Variants in CNTNAP4 observed in about 807,000 individuals in gnomAD.
CNTNAP4 encodes contactin-associated protein-like 4.
A neutral mutation model predicts 148.4 loss-of-function variants in CNTNAP4; 98 were observed. The observed-to-expected ratio is 0.66, with a 90% confidence interval of 0.56 to 0.78. The LOEUF is 0.78. CNTNAP4 is among the 30% of genes least tolerant of loss of function. The probability of loss-of-function intolerance (pLI) is 0.00; values close to 1 mark genes in which losing one functional copy is unlikely to be tolerated. For synonymous variants in CNTNAP4, 730 were observed against 565.1 expected (o/e 1.29, Z -4.14); for missense variants, 1,935 against 1,565.6 (o/e 1.24, Z -3.98).
chr16:76,488,113 T>G (rs2143759454), intron 12 of CNTNAP4, among the ~76,000 whole-genome samples: 1 of 152,276 alleles, frequency 6.6e-6, no homozygotes, highest in Non-Finnish European at 1.5e-5. Flanking sequence ...AACCTTAAAC[T>G]TCCGATAGCC....
chr16:76,450,815 A>AT, intron 7 of CNTNAP4, among the ~76,000 whole-genome samples: 1 of 152,214 alleles, frequency 6.6e-6, no homozygotes, highest in Non-Finnish European at 1.5e-5. Context: ...AAGCAGCACC[A>AT]ATGCTAGGTA....
rs145871213 is a variant in CNTNAP4 at position 76,303,938 on chromosome 16, A to G, written c.86-12475A>G. 1.3e-3 allele frequency among the ~76,000 whole-genome samples: 204 copies of G among 152,282 alleles called. 1 individual carries two copies. The highest frequency in any genetic ancestry group is 4.6e-3 in the African/African-American group (192 of 41,564). On this transcript the variant is annotated intron_variant, in intron 1 of 23. Coordinates refer to ENST00000611870, the MANE Select transcript of CNTNAP4 (RefSeq NM_033401.5). ...TGATTTCTCTCTTTCTCTTTGAGGA[A>G]TAATTCTTATAAGATTTTGTAAGAC...
rs78434662 is a variant in CNTNAP4, at chr16:76,344,865, G to A, written c.197-10453G>A. Reference sequence around the variant, plus strand: ...CCTTCTACTCTTTTCCAAAATGGCAGTGGGTATATAATGTACTCATATGAT... The same window carrying A: ...CCTTCTACTCTTTTCCAAAATGGCAATGGGTATATAATGTACTCATATGAT... On this transcript the variant is annotated intron_variant, in intron 2 of 23. Coordinates refer to ENST00000611870, the MANE Select transcript of CNTNAP4 (RefSeq NM_033401.5). Among the ~76,000 whole-genome samples the A allele has an allele frequency of 2.4e-3, 372 of 152,288 alleles. 1 individual carries two copies. The highest frequency in any genetic ancestry group is 3.5e-3 in the African/African-American group (145 of 41,554).
At chr16:76,551,746 G>A (rs1433893213) in intron 21 of CNTNAP4, among the ~76,000 whole-genome samples, 1 of 152,144 alleles carries the variant, frequency 6.6e-6, no homozygotes, top group Non-Finnish European at 1.5e-5. Context: ...ACACTGGCTA[G>A]CACATAATAT....
intron 2 of CNTNAP4, among the ~76,000 whole-genome samples, chr16:76,325,996 A>G (rs1962932696): frequency 6.6e-6 from 1 of 152,216 alleles, no homozygotes; most frequent in African/African-American, 2.4e-5. Flanking sequence ...TTCAACAAAG[A>G]AAACTACAAG....
chr16:76,310,561 C>G (rs1960989412), intron 1 of CNTNAP4, among the ~76,000 whole-genome samples: 1 of 152,152 alleles, frequency 6.6e-6, no homozygotes, highest in African/African-American at 2.4e-5. Context: ...AGACTCCAAT[C>G]TTTCCAAAGC....
intron 2 of CNTNAP4, among the ~76,000 whole-genome samples, chr16:76,340,405 C>T (rs906019938): frequency 2.0e-5 from 3 of 152,134 alleles, no homozygotes; most frequent in Non-Finnish European, 2.9e-5. Context: ...CTCAGGTTTC[C>T]TGTTGCTTCA....
At chr16:76,544,266 A>G (rs1296586361) in intron 21 of CNTNAP4, among the ~76,000 whole-genome samples, 2 of 151,894 alleles carry the variant, frequency 1.3e-5, no homozygotes, top group East Asian at 3.9e-4. Context: ...ACTTAAGTAT[A>G]TAACTGTCCC....
At chr16:76,368,136 A>C (rs1364609604) in intron 3 of CNTNAP4, among the ~76,000 whole-genome samples, 1 of 152,202 alleles carries the variant, frequency 6.6e-6, no homozygotes, top group Non-Finnish European at 1.5e-5. Context: ...ACATACCAGC[A>C]GGATATCCAT....
At position 76,509,387 on chromosome 16, in the gene CNTNAP4, G is replaced by C. The variant is rs186147602; in HGVS notation, c.2365+10693G>C. On this transcript the variant is annotated intron_variant, in intron 15 of 23. Coordinates refer to ENST00000611870, the MANE Select transcript of CNTNAP4 (RefSeq NM_033401.5). ...GTCCCCTGGGTAAAGAATTGCCCTA[G>C]GTGGAGAATCACCACTTTAGACAAA... 2.1e-5 allele frequency among the ~76,000 whole-genome samples: 2 copies of C among 97,162 alleles called. 1 individual carries two copies. Among genetic ancestry groups the C allele is most frequent in the East Asian group, 1.1e-3 (2 of 1,872 alleles). The allele number at this position is 97,162 out of a possible 152,430, so 63.7% of individuals were successfully genotyped here.
At chr16:76,320,908 T>C (rs895121770) in intron 2 of CNTNAP4, among the ~76,000 whole-genome samples, 1 of 152,206 alleles carries the variant, frequency 6.6e-6, no homozygotes, top group Non-Finnish European at 1.5e-5. Context: ...AAAAATAATA[T>C]ATTTACAAGT....
intron 15 of CNTNAP4, among the ~76,000 whole-genome samples, chr16:76,500,989 A>G (rs886816670): frequency 2.0e-5 from 3 of 152,334 alleles, no homozygotes; most frequent in East Asian, 1.9e-4. Flanking sequence ...GCACAACAGA[A>G]TAAGAGGGAA....
At chr16:76,495,204 T>G in intron 14 of CNTNAP4, 138 bp downstream of exon 14, 1 of 821,688 alleles carries the variant, frequency 1.2e-6, no homozygotes, top group Non-Finnish European at 1.9e-6. Flanking sequence ...TAATGAAACG[T>G]GGTGTAGTCA....
intron 11 of CNTNAP4, among the ~76,000 whole-genome samples, chr16:76,476,797 C>T (rs1024462109): frequency 5.9e-5 from 9 of 152,092 alleles, no homozygotes; most frequent in African/African-American, 2.2e-4. Flanking sequence ...CCTCCCAATA[C>T]CACCATATTG....
At chr16:76,290,100 GTGCCC>G (rs1196488818) in intron 1 of CNTNAP4, among the ~76,000 whole-genome samples, 1 of 152,116 alleles carries the variant, frequency 6.6e-6, no homozygotes, top group African/African-American at 2.4e-5. Flanking sequence ...GTGGTGAAGT[GTGCCC>G]TGTGTTATTT....
chr16:76,415,930 GTTT>G (rs35758749), intron 3 of CNTNAP4, among the ~76,000 whole-genome samples: 110 of 146,268 alleles, frequency 7.5e-4, no homozygotes, highest in East Asian at 1.2e-3. Context: ...TATACTGTTT[GTTT>G]TTTTTTTTTA....
intron 12 of CNTNAP4, among the ~76,000 whole-genome samples, chr16:76,489,157 T>C (rs1446698655): frequency 6.6e-6 from 1 of 152,180 alleles, no homozygotes; most frequent in Non-Finnish European, 1.5e-5. Context: ...ATACCATGAA[T>C]AGTTGTTAAG....
intron 2 of CNTNAP4, among the ~76,000 whole-genome samples, chr16:76,327,239 G>C (rs1204243503): frequency 6.6e-6 from 1 of 152,100 alleles, no homozygotes; most frequent in Admixed American, 6.6e-5. Flanking sequence ...AGTGTCTTTT[G>C]TTCCCAACTT....
chr16:76,496,954 G>A (rs1482626579), intron 14 of CNTNAP4, among the ~76,000 whole-genome samples: 5 of 152,118 alleles, frequency 3.3e-5, no homozygotes, highest in Non-Finnish European at 7.4e-5. Flanking sequence ...TAAACAAAGG[G>A]TATTTTAAGT....
Sources: allele counts gnomAD v4.1 joint callset (sites outside exome capture counted in the v4.1 genomes callset), GRCh38; gene constraint gnomAD v4.1.1; transcripts MANE v1.5; gene names NCBI Gene and HGNC (gene_info 2026-07-23, HGNC 2026-07-21).